GSTA2: variants seen among roughly 807,000 people sequenced by gnomAD.
GSTA2 encodes glutathione S-transferase A2.
A neutral mutation model predicts 22.4 loss-of-function variants in GSTA2; 27 were observed. The ratio of observed to expected loss-of-function variants is 1.21; its 90% CI spans 0.89 to 1.67. GSTA2 has a LOEUF of 1.67. Among genes scored for constraint, GSTA2 ranks in the 40% most tolerant of loss-of-function variants. The probability of loss-of-function intolerance (pLI) is 0.00; values close to 1 mark genes in which losing one functional copy is unlikely to be tolerated. For missense variants in GSTA2, 302 were observed against 260.2 expected, an observed-to-expected ratio of 1.16 and a Z score of -1.11; for synonymous variants, 121 against 86.8, an observed-to-expected ratio of 1.39 and a Z score of -2.19.
At chr6:52,760,276 A>G (rs1468828806) in intron 1 of GSTA2, among the ~76,000 whole-genome samples, 1 of 152,226 alleles carries the variant, frequency 6.6e-6, no homozygotes, top group Non-Finnish European at 1.5e-5. Flanking sequence ...GTGAAATTTT[A>G]TCTTACATAA....
intron 1 of GSTA2, among the ~76,000 whole-genome samples, chr6:52,763,165 G>T (rs546133011): frequency 6.6e-6 from 1 of 152,058 alleles, no homozygotes; most frequent in African/African-American, 2.4e-5. Context: ...TGTTTAAAAT[G>T]CTACCATTTC....
chr6:52,759,901 A>T (rs1762925551), intron 1 of GSTA2, among the ~76,000 whole-genome samples: 1 of 152,136 alleles, frequency 6.6e-6, no homozygotes, highest in Admixed American at 6.6e-5. Flanking sequence ...ATGTATTTCT[A>T]AAAAAGTATG....
chr6:52,762,005 G>A (rs948294433), intron 1 of GSTA2, among the ~76,000 whole-genome samples: 2 of 145,954 alleles, frequency 1.4e-5, no homozygotes, highest in African/African-American at 4.9e-5. Context: ...TGGACTCAAG[G>A]TTTAATGGAT....
intron 4 of GSTA2, 26 bp downstream of exon 4, chr6:52,754,917 A>T: frequency 6.2e-7 from 1 of 1,612,136 alleles, no homozygotes; most frequent in Non-Finnish European, 8.5e-7. Flanking sequence ...TTCTCTGTGG[A>T]TGGAAGAACA....
At chr6:52,759,566 T>TG (rs1762914475) in intron 1 of GSTA2, among the ~76,000 whole-genome samples, 1 of 37,324 alleles carries the variant, frequency 2.7e-5, no homozygotes, top group Non-Finnish European at 5.0e-5. Flanking sequence ...TTTATTTGTT[T>TG]TTTTTTTTTT....
At chr6:52,751,237 C>T (rs1561892940) in intron 6 of GSTA2, among the ~76,000 whole-genome samples, 1 of 152,104 alleles carries the variant, frequency 6.6e-6, no homozygotes, top group Non-Finnish European at 1.5e-5. Flanking sequence ...CTCAGACTGA[C>T]TCAATGTGGG....
intron 1 of GSTA2, among the ~76,000 whole-genome samples, chr6:52,762,661 CT>C (rs1762971415): frequency 6.6e-6 from 1 of 152,162 alleles, no homozygotes; most frequent in Non-Finnish European, 1.5e-5. Context: ...AGCGCAGGTC[CT>C]CCATATGCTG....
At chr6:52,751,190 C>T (rs73740508) in intron 6 of GSTA2, among the ~76,000 whole-genome samples, 16 of 152,156 alleles carry the variant, frequency 1.1e-4, no homozygotes, top group Middle Eastern at 3.4e-3. Flanking sequence ...CAGCAGGAGC[C>T]GGAGCCCAGG....
chr6:52,758,075 A>G (rs377081741), intron 1 of GSTA2, 98 bp from the exon 2 acceptor site: 88 of 706,296 alleles, frequency 1.2e-4, no homozygotes, highest in African/African-American at 1.1e-3. Flanking sequence ...AATGCTGAAG[A>G]AGAACCTGCC....
chr6:52,754,865 C>A (rs1762810849), intron 4 of GSTA2, 78 bp downstream of exon 4: 1 of 1,592,976 alleles, frequency 6.3e-7, no homozygotes, highest in Admixed American at 1.7e-5. Flanking sequence ...GATACCCTGC[C>A]ATGGTCCCAC....
At chr6:52,750,957 T>C (rs1762725345) in intron 6 of GSTA2, among the ~76,000 whole-genome samples, 1 of 152,216 alleles carries the variant, frequency 6.6e-6, no homozygotes, top group African/African-American at 2.4e-5. Context: ...ATTAATCCTA[T>C]AGATTAGTGA....
At chr6:52,757,474 A>G (rs1762865203) in intron 2 of GSTA2, among the ~76,000 whole-genome samples, 1 of 151,532 alleles carries the variant, frequency 6.6e-6, no homozygotes, top group Admixed American at 6.6e-5. Flanking sequence ...AAAACACATT[A>G]ACTATTCTAA....
At chr6:52,755,215 C>CT (rs10626189) in intron 3 of GSTA2, 140 bp from the exon 4 acceptor site, 280,672 of 703,480 alleles carry the variant, frequency 0.4, 21,345 homozygotes, top group East Asian at 0.48. Context: ...CTTGAAACAA[C>CT]TTTTTTTTTT....
Position 52,757,982 on chromosome 6 carries a change from G to C in GSTA2, c.-30-5C>G. 4 of 1,357,894 alleles carry C rather than the reference G, an allele frequency of 2.9e-6. No individual in the cohort carries two copies. Among genetic ancestry groups the C allele is most frequent in the Non-Finnish European group, 4.2e-6 (4 of 958,996 alleles). The allele number at this position is 1,357,894 out of a possible 1,614,324, so 84.1% of individuals were successfully genotyped here. A position where few individuals can be genotyped will look rare whatever the true frequency, so the allele number is the denominator to read the frequency against. On this transcript the variant is annotated splice_region_variant and splice_polypyrimidine_tract_variant and intron_variant, in intron 1 of 6. Coordinates refer to ENST00000493422, the MANE Select transcript of GSTA2 (RefSeq NM_000846.5). Reference sequence around the variant, plus strand: ...CTCCTGGAGGTTTCTCTAAGCCTGAGTGAATGAATGAATGAATGAATGAAT... The same window carrying C: ...CTCCTGGAGGTTTCTCTAAGCCTGACTGAATGAATGAATGAATGAATGAAT...
At position 52,750,646 on chromosome 6, in the gene GSTA2, A is replaced by C. The variant is rs767826787; in HGVS notation, c.600T>G (p.Pro200=). 6.2e-7 allele frequency: 1 copy of C among 1,613,604 alleles called. No individual in the cohort carries two copies. Among genetic ancestry groups the C allele is most frequent in the Admixed American group, 1.7e-5 (1 of 60,010 alleles). The stretch of plus-strand genomic sequence containing the variant: ...CCATGGGAGGCTTCCTTGGGCTGCC[A>C]GGCTGTAGAAACTTCTTCACTGTGG... ...NLPTVKKFLQ[P]GSPRKPPMDE... is the part of the protein sequence containing the mutation. Residue 200 remains proline (P), a synonymous_variant, in exon 7 of 7, where the codon CCT becomes CCG. Coordinates refer to ENST00000493422, the MANE Select transcript of GSTA2 (RefSeq NM_000846.5).
chr6:52,757,269 G>T, intron 2 of GSTA2, among the ~76,000 whole-genome samples: 2 of 111,306 alleles, frequency 1.8e-5, no homozygotes, highest in Non-Finnish European at 3.6e-5. Flanking sequence ...TTTTTATTGT[G>T]GAAATTATGA....
At chr6:52,751,484 G>A in intron 6 of GSTA2, 93 bp downstream of exon 6, 1 of 1,600,972 alleles carries the variant, frequency 6.2e-7, no homozygotes, top group Non-Finnish European at 8.6e-7. Flanking sequence ...GGAGAAGGCT[G>A]GGGTCAAAAC....
intron 1 of GSTA2, among the ~76,000 whole-genome samples, chr6:52,760,770 T>C (rs573364365): frequency 8.5e-5 from 13 of 152,308 alleles, no homozygotes; most frequent in Non-Finnish European, 1.3e-4. Context: ...CCTGAGTTCC[T>C]CCTGTTAGCA....
chr6:52,759,121 T>A (rs1762903645), intron 1 of GSTA2, among the ~76,000 whole-genome samples: 1 of 152,192 alleles, frequency 6.6e-6, no homozygotes, highest in African/African-American at 2.4e-5. Context: ...GAATAGAAAA[T>A]ATCAGTGAGC....
Sources: allele counts gnomAD v4.1 joint callset (sites outside exome capture counted in the v4.1 genomes callset), GRCh38; gene constraint gnomAD v4.1.1; transcripts MANE v1.5; gene names NCBI Gene and HGNC (gene_info 2026-07-23, HGNC 2026-07-21).